The following CREG2 variants were observed in gnomAD, a reference collection of about 807,000 sequenced individuals.
CREG2 encodes protein CREG2.
CREG2 carries 24 observed loss-of-function variants against 26.2 expected under a neutral mutation model. The observed-to-expected ratio is 0.92, with a 90% confidence interval of 0.66 to 1.29. The LOEUF is 1.29. Ranked by LOEUF, CREG2 falls within the 50% of genes most tolerant of loss-of-function variation. The probability of loss-of-function intolerance (pLI) is 0.00; values close to 1 mark genes in which losing one functional copy is unlikely to be tolerated. For missense variants in CREG2, 366 were observed against 398.6 expected, an observed-to-expected ratio of 0.92 and a Z score of 0.70; for synonymous variants, 174 against 169.2, an observed-to-expected ratio of 1.03 and a Z score of -0.22.
At chr2:101,355,559 G>A (rs1684444667) in intron 2 of CREG2, among the ~76,000 whole-genome samples, 193 bp from the exon 3 acceptor site, 2 of 152,108 alleles carry the variant, frequency 1.3e-5, no homozygotes, top group Admixed American at 1.3e-4. Context: ...TGCAATAGGT[G>A]TGCTTATGTA....
rs568627336 is a variant in CREG2, at chr2:101,346,018, T to C, written c.*4905A>G. On this transcript the variant is annotated 3_prime_UTR_variant, in exon 4 of 4. Transcript: ENST00000324768. Reference sequence around the variant, plus strand: ...TTTTTTTTTTTTTAATAAATATTTTTTGTAGAGATGAGGTCTCACTATGTT... The same window carrying C: ...TTTTTTTTTTTTTAATAAATATTTTCTGTAGAGATGAGGTCTCACTATGTT... 6.6e-6 allele frequency: 1 copy of C among 151,336 alleles called. No individual in the cohort carries two copies. The highest frequency in any genetic ancestry group is 1.9e-4 in the East Asian group (1 of 5,144). 9.4% of individuals were successfully genotyped at this position (151,336 alleles called of 1,614,324 possible). A position where few individuals can be genotyped will look rare whatever the true frequency, so the allele number is the denominator to read the frequency against.
intron 2 of CREG2, among the ~76,000 whole-genome samples, chr2:101,379,718 G>C (rs547078779): frequency 1.3e-5 from 2 of 152,194 alleles, no homozygotes; most frequent in African/African-American, 2.4e-5. Context: ...CAAATATTAA[G>C]TCAATCAGTA....
At position 101,383,529 on chromosome 2, in the gene CREG2, C is replaced by T. The variant is rs764001881; in HGVS notation, c.611+4G>A. 377 of 1,613,492 alleles carry T rather than the reference C, an allele frequency of 2.3e-4. No homozygotes were observed. Among genetic ancestry groups the T allele is most frequent in the Non-Finnish European group, 3.0e-4 (354 of 1,180,010 alleles). On this transcript the variant is annotated splice_donor_region_variant and intron_variant, in intron 2 of 3. Transcript: ENST00000324768. ...CGTGTGAGTGAGGGCAAACCGTCGTCTACCTGCAGAACTCCCCTTCTGATT... is the reference window on the plus strand; with the variant it reads ...CGTGTGAGTGAGGGCAAACCGTCGTTTACCTGCAGAACTCCCCTTCTGATT...
chr2:101,348,507 G>A lies in CREG2; in HGVS notation c.*2416C>T, dbSNP rs1684333261. The A allele has an allele frequency of 6.6e-6, 1 of 152,068 alleles. No individual in the cohort carries two copies. Among genetic ancestry groups the A allele is most frequent in the Non-Finnish European group, 1.5e-5 (1 of 68,022 alleles). 9.4% of individuals were successfully genotyped at this position (152,068 alleles called of 1,614,324 possible). On this transcript the variant is annotated 3_prime_UTR_variant, in exon 4 of 4. Coordinates refer to ENST00000324768, the MANE Select transcript of CREG2 (RefSeq NM_153836.4). ...AAAATTTTCACTACATAGGTCCTGG[G>A]TAAGTTTTGTTTATACGGAAGTATT...
Position 101,387,468 on chromosome 2 carries a change from G to T in CREG2, c.-11C>A. ...GCGGCGCACGGACATCTTGCAGGCA[G>T]CACGCCCGGCCGCCGGGGCCGCCAG... On this transcript the variant is annotated 5_prime_UTR_variant, in exon 1 of 4. In the 5' UTR this introduces an upstream ATG that the reference lacks. Coordinates refer to ENST00000324768, the MANE Select transcript of CREG2 (RefSeq NM_153836.4). This position sits in a 1 kb window ranked among gnomAD's most constrained non-coding sequence, Gnocchi z 4.7. 1 of 1,046,360 alleles carries T rather than the reference G, an allele frequency of 9.6e-7. No individual in the cohort carries two copies. Among genetic ancestry groups the T allele is most frequent in the Non-Finnish European group, 1.2e-6 (1 of 824,820 alleles). 64.8% of individuals were successfully genotyped at this position (1,046,360 alleles called of 1,614,324 possible). A position where few individuals can be genotyped will look rare whatever the true frequency, so the allele number is the denominator to read the frequency against.
At chr2:101,377,391 G>T (rs567785241) in intron 2 of CREG2, among the ~76,000 whole-genome samples, 1 of 152,066 alleles carries the variant, frequency 6.6e-6, no homozygotes, top group African/African-American at 2.4e-5. Flanking sequence ...AGTCCTCCCC[G>T]GTCCCAAAGG....
In CREG2 at chr2:101,387,282, A is replaced by T. The variant is rs1238291792; in HGVS notation, c.176T>A (p.Met59Lys). 1 of 1,483,618 alleles carries T rather than the reference A, an allele frequency of 6.7e-7. No homozygotes were observed. The allele number at this position is 1,483,618 out of a possible 1,614,324, so 91.9% of individuals were successfully genotyped here. A position where few individuals can be genotyped will look rare whatever the true frequency, so the allele number is the denominator to read the frequency against. The change falls in exon 1 of 4, where the codon ATG (methionine) becomes AAG (lysine). Residue 59 changes from methionine to lysine, a missense_variant. This residue lies in a region of CREG2 where 177 missense variants were observed against 183.3 expected (regional missense o/e 0.97). Transcript: ENST00000324768. The surrounding 1 kb of genome is among the most constrained non-coding windows in gnomAD (Gnocchi z 4.7). The part of the protein sequence containing the change: ...ELDSASTEEA[M>K]PALLEDSGSI... ...GCCCGAATCCTCTAGCAGCGCGGGC[A>T]TAGCCTCCTCAGTGGAGGCGCTGTC...
chr2:101,364,822 G>A (rs560553548), intron 2 of CREG2, among the ~76,000 whole-genome samples: 25 of 152,280 alleles, frequency 1.6e-4, no homozygotes, highest in South Asian at 8.3e-4. Flanking sequence ...CAGAGGAGGT[G>A]TAGGTGGTCT....
intron 2 of CREG2, among the ~76,000 whole-genome samples, chr2:101,363,980 G>A (rs1332127352): frequency 6.6e-6 from 1 of 152,118 alleles, no homozygotes; most frequent in African/African-American, 2.4e-5. Flanking sequence ...ACTGGGAGAA[G>A]TTTCCTCTCC....
chr2:101,347,783 T>C lies in CREG2; in HGVS notation c.*3140A>G, dbSNP rs1684326801. The stretch of plus-strand genomic sequence containing the variant: ...CAGTATGTGGCCTGTCTTCTCGGCC[T>C]TTTAACATGGTCTTTTGCAGAACAA... On this transcript the variant is annotated 3_prime_UTR_variant, in exon 4 of 4. Transcript: ENST00000324768. The C allele has an allele frequency of 6.6e-6, 1 of 152,240 alleles. No individual in the cohort carries two copies. The highest frequency in any genetic ancestry group is 1.5e-5 in the Non-Finnish European group (1 of 68,044). 9.4% of individuals were successfully genotyped at this position (152,240 alleles called of 1,614,324 possible).
At position 101,348,526 on chromosome 2, in the gene CREG2, A is replaced by T. The variant is rs1280694965; in HGVS notation, c.*2397T>A. On this transcript the variant is annotated 3_prime_UTR_variant, in exon 4 of 4. Transcript: ENST00000324768. ...TCCTGGGTAAGTTTTGTTTATACGGAAGTATTTCACTTTGGAGTGATTGCA... is the reference window on the plus strand; with the variant it reads ...TCCTGGGTAAGTTTTGTTTATACGGTAGTATTTCACTTTGGAGTGATTGCA... 6.6e-6 allele frequency: 1 copy of T among 152,104 alleles called. No individual in the cohort carries two copies. Among genetic ancestry groups the T allele is most frequent in the East Asian group, 1.9e-4 (1 of 5,194 alleles). 9.4% of individuals were successfully genotyped at this position (152,104 alleles called of 1,614,324 possible).
chr2:101,354,366 T>A (rs796860027), intron 3 of CREG2, among the ~76,000 whole-genome samples: 127 of 152,340 alleles, frequency 8.3e-4, no homozygotes, highest in African/African-American at 3.0e-3. Flanking sequence ...ACATATCCAA[T>A]CCCAATCATT....
intron 2 of CREG2, among the ~76,000 whole-genome samples, chr2:101,374,523 T>C (rs528855996): frequency 6.6e-6 from 1 of 152,346 alleles, no homozygotes; most frequent in East Asian, 1.9e-4. Flanking sequence ...CAAGATTCAG[T>C]GAAGAGAAAT....
intron 2 of CREG2, among the ~76,000 whole-genome samples, chr2:101,368,996 A>T (rs79681661): frequency 3.9e-4 from 60 of 152,354 alleles, no homozygotes; most frequent in Non-Finnish European, 7.8e-4. Context: ...GATAAAGACA[A>T]GGCAAGAGAG....
At chr2:101,386,875 T>G in intron 1 of CREG2, 142 bp downstream of exon 1, 1 of 823,884 alleles carries the variant, frequency 1.2e-6, no homozygotes, top group Non-Finnish European at 1.6e-6. Context: ...TTATGTACAG[T>G]GTCGAGGGTC....
intron 3 of CREG2, among the ~76,000 whole-genome samples, chr2:101,351,956 G>T (rs555068774): frequency 6.6e-6 from 1 of 152,064 alleles, no homozygotes; most frequent in South Asian, 2.1e-4. Flanking sequence ...CGGGATCATA[G>T]CTCACCGCAG....
chr2:101,359,468 C>A (rs1046466848), intron 2 of CREG2, among the ~76,000 whole-genome samples: 2 of 152,190 alleles, frequency 1.3e-5, no homozygotes, highest in Non-Finnish European at 2.9e-5. Context: ...CCCACTTACC[C>A]GGCTCCTGAG....
At position 101,348,213 on chromosome 2, in the gene CREG2, A is replaced by C. The variant is rs1475844500; in HGVS notation, c.*2710T>G. On this transcript the variant is annotated 3_prime_UTR_variant, in exon 4 of 4. Transcript: ENST00000324768. ...TCTTGAATACTGTAGCTACATCATAACTCTATATTAAATAGAATGATTTCT... is the reference window on the plus strand; with the variant it reads ...TCTTGAATACTGTAGCTACATCATACCTCTATATTAAATAGAATGATTTCT... 1.3e-5 allele frequency: 2 copies of C among 152,158 alleles called. No homozygotes were observed. The highest frequency in any genetic ancestry group is 2.9e-5 in the Non-Finnish European group (2 of 68,034). The allele number at this position is 152,158 out of a possible 1,614,324, so 9.4% of individuals were successfully genotyped here.
At position 101,376,329 on chromosome 2, in the gene CREG2, G is replaced by C. The variant is rs181902678; in HGVS notation, c.611+7204C>G. On this transcript the variant is annotated intron_variant, in intron 2 of 3. Transcript: ENST00000324768. Reference sequence around the variant, plus strand: ...GTGTCACTCTGTTGCCCAAGCCGGAGTGCAGTGGCCTGATCTCAGCTCACT... The same window carrying C: ...GTGTCACTCTGTTGCCCAAGCCGGACTGCAGTGGCCTGATCTCAGCTCACT... 9.3e-5 allele frequency among the ~76,000 whole-genome samples: 14 copies of C among 151,112 alleles called. No individual in the cohort carries two copies. The East Asian group carries it at 2.7e-3, about 30-fold the overall frequency.
Sources: allele counts gnomAD v4.1 joint callset (sites outside exome capture counted in the v4.1 genomes callset), GRCh38; gene constraint gnomAD v4.1.1; regional missense constraint gnomAD v4.1.1; non-coding constraint Gnocchi (gnomAD v3.1); transcripts MANE v1.5; gene names NCBI Gene and HGNC (gene_info 2026-07-23, HGNC 2026-07-21).